The following SGSM1 variants were observed in gnomAD, a reference collection of about 807,000 sequenced individuals.
SGSM1 encodes the protein small G protein signaling modulator 1, also known as RUN and TBC1 domain containing 2.
SGSM1 carries 73 observed loss-of-function variants against 133.8 expected under a neutral mutation model. That is an observed-to-expected ratio of 0.55 (90% CI 0.45 to 0.66). The LOEUF is 0.66. SGSM1 is among the 30% of genes least tolerant of loss of function. SGSM1 has a pLI of 0.00. For synonymous variants in SGSM1, 563 were observed against 573.0 expected (o/e 0.98, Z 0.25); for missense variants, 1,213 against 1,448.1 (o/e 0.84, Z 2.64).
At chr22:24,878,739 T>G (rs907311281) in intron 13 of SGSM1, among the ~76,000 whole-genome samples, 5 of 152,206 alleles carry the variant, frequency 3.3e-5, no homozygotes, top group African/African-American at 1.2e-4. Context: ...GGAGAAGCTT[T>G]GAGGCATCAC....
intron 5 of SGSM1, among the ~76,000 whole-genome samples, chr22:24,853,333 G>A (rs1215575818): frequency 1.3e-5 from 2 of 152,192 alleles, no homozygotes. Flanking sequence ...CCCTCTGTGG[G>A]CCTGAGATCC....
In SGSM1 at chr22:24,921,342, C is replaced by T. The variant is rs549083894; in HGVS notation, c.3193+1349C>T. Among the ~76,000 whole-genome samples the T allele has an allele frequency of 3.0e-4, 45 of 152,250 alleles. 2 individuals are homozygous for T. Among genetic ancestry groups the T allele is most frequent in the African/African-American group, 1.1e-3 (44 of 41,550 alleles). On this transcript the variant is annotated intron_variant, in intron 24 of 24. Transcript: ENST00000400358. ...CTAGAACTCCTGACCTCAGGCGATC[C>T]GTCTGCCTTGGCCTCCCAAAGTGCT... is the stretch of plus-strand genomic sequence containing the variant.
chr22:24,924,231 G>A lies in SGSM1; in HGVS notation c.3239G>A (p.Arg1080Gln), dbSNP rs1934113278. 1.6e-5 allele frequency: 26 copies of A among 1,613,958 alleles called. 1 individual carries two copies. The highest frequency in any genetic ancestry group is 3.3e-5 in the South Asian group (3 of 91,076). Residue 1080 changes from arginine to glutamine, a missense_variant, in exon 25 of 25, where the codon CGG (arginine) becomes CAG (glutamine). Arg to Gln is a conservative substitution (Grantham distance 43). Coordinates refer to ENST00000400358, the MANE Select transcript of SGSM1 (RefSeq NM_001098497.3). ...ACCAAGCAAGTCCTGAAGCTGGCGC[G>A]GGACCTCGTGTACAAGGTGCAGACT... is the stretch of plus-strand genomic sequence containing the variant. Reference protein sequence around the residue: ...HNTKQVLKLARDLVYKVQTLI... With the variant: ...HNTKQVLKLAQDLVYKVQTLI...
intron 2 of SGSM1, among the ~76,000 whole-genome samples, chr22:24,826,944 A>G (rs144550091): frequency 6.6e-6 from 1 of 152,096 alleles, no homozygotes; most frequent in South Asian, 2.1e-4. Flanking sequence ...CACCCAGCAA[A>G]TGGCAGAGCT....
At chr22:24,863,465 C>T (rs1490025972) in intron 9 of SGSM1, among the ~76,000 whole-genome samples, 3 of 152,002 alleles carry the variant, frequency 2.0e-5, no homozygotes, top group Non-Finnish European at 2.9e-5. Flanking sequence ...CCATCGTAGG[C>T]GCTTTGATAC....
chr22:24,891,543 G>A (rs186367002), intron 16 of SGSM1, among the ~76,000 whole-genome samples: 1 of 152,300 alleles, frequency 6.6e-6, no homozygotes, highest in Admixed American at 6.5e-5. Flanking sequence ...GTTCATCTCA[G>A]TACTAGTGTG....
At position 24,868,715 on chromosome 22, in the gene SGSM1, T is replaced by G; in HGVS notation, c.1159-8T>G. The G allele has an allele frequency of 6.2e-7, 1 of 1,613,736 alleles. No individual in the cohort carries two copies. The highest frequency in any genetic ancestry group is 8.5e-7 in the Non-Finnish European group (1 of 1,179,694). ...CCAAGGACCTTGTTTTGGGACATGT[T>G]TTTGCAGGGCAAAGTGTTTCCTAAA... is the stretch of plus-strand genomic sequence containing the variant. On this transcript the variant is annotated splice_region_variant and splice_polypyrimidine_tract_variant and intron_variant, in intron 11 of 24. Transcript: ENST00000400358.
intron 8 of SGSM1, among the ~76,000 whole-genome samples, chr22:24,857,950 G>C (rs1469316202): frequency 6.6e-6 from 1 of 152,130 alleles, no homozygotes; most frequent in Non-Finnish European, 1.5e-5. Flanking sequence ...TTTCTTGCAA[G>C]AATGTCCACT....
chr22:24,864,432 C>T (rs1431278515), intron 9 of SGSM1, among the ~76,000 whole-genome samples: 2 of 152,218 alleles, frequency 1.3e-5, no homozygotes, highest in East Asian at 3.9e-4. Flanking sequence ...AGATGCCCAT[C>T]AACTGAAGAA....
intron 2 of SGSM1, among the ~76,000 whole-genome samples, chr22:24,833,624 C>T (rs192537122): frequency 6.6e-6 from 1 of 151,138 alleles, no homozygotes; most frequent in African/African-American, 2.4e-5. Context: ...TGCCACTGCA[C>T]TCCAGCCTGG....
intron 14 of SGSM1, 123 bp downstream of exon 14, chr22:24,879,649 T>C (rs1569160267): frequency 6.4e-6 from 6 of 933,726 alleles, no homozygotes; most frequent in African/African-American, 3.3e-5. Context: ...ATTCCCTAGA[T>C]GTCTGGTTTC....
intron 19 of SGSM1, among the ~76,000 whole-genome samples, chr22:24,900,377 T>TTCTTTCTTTCTTTCTTTCTTTC: frequency 2.9e-5 from 2 of 68,308 alleles, no homozygotes; most frequent in African/African-American, 1.2e-4. Flanking sequence ...CTTTCTTTCT[T>TTCTTTCTTTCTTTCTTTCTTTC]TCTTTCTTTC....
At position 24,877,516 on chromosome 22, in the gene SGSM1, G is replaced by C. The variant is rs1932081813; in HGVS notation, c.1430+801G>C. ...TTTTCCCCTGGTCCAACCTGGCCTG[G>C]CCTGAGAAAATAGAACCCTTTTGTC... On this transcript the variant is annotated intron_variant, in intron 13 of 24. Coordinates refer to ENST00000400358, the MANE Select transcript of SGSM1 (RefSeq NM_001098497.3). Among the ~76,000 whole-genome samples, 6 of 152,040 alleles carry C rather than the reference G, an allele frequency of 3.9e-5. No homozygotes were observed. In the South Asian group the frequency reaches 1.2e-3, roughly 32 times the overall value.
chr22:24,807,467 AGT>A (rs1267019135), intron 2 of SGSM1, among the ~76,000 whole-genome samples: 3 of 151,558 alleles, frequency 2.0e-5, no homozygotes, highest in South Asian at 2.1e-4. Context: ...TGATGCTGTG[AGT>A]GTGTGTGTGT....
intron 8 of SGSM1, among the ~76,000 whole-genome samples, chr22:24,857,416 A>AG (rs1930867221): frequency 6.6e-6 from 1 of 151,552 alleles, no homozygotes; most frequent in African/African-American, 2.4e-5. Context: ...TCAAAAAAAA[A>AG]AAAAAAAAGC....
In SGSM1 at chr22:24,847,673, G is replaced by A. The variant is rs752638490; in HGVS notation, c.179G>A (p.Arg60Gln). The change falls in exon 4 of 25, where the codon CGG (arginine) becomes CAG (glutamine). Residue 60 changes from arginine (R) to glutamine (Q), a missense_variant. Coordinates refer to ENST00000400358, the MANE Select transcript of SGSM1 (RefSeq NM_001098497.3). ...EACVLHGLRR[R>Q]AAGFLRSNKI... ...TGCGTTCTGCACGGGCTTCGGCGGC[G>A]GGCGGCTGGCTTCCTACGCAGCAAT... 91 of 1,613,602 alleles carry A rather than the reference G, an allele frequency of 5.6e-5. No homozygotes were observed. The highest frequency in any genetic ancestry group is 6.6e-5 in the Non-Finnish European group (78 of 1,179,856).
At chr22:24,888,443 C>T (rs1932732537) in intron 16 of SGSM1, among the ~76,000 whole-genome samples, 2 of 151,978 alleles carry the variant, frequency 1.3e-5, no homozygotes, top group Non-Finnish European at 2.9e-5. Flanking sequence ...AAAAGATGTC[C>T]TTCCTCCATT....
In SGSM1 at chr22:24,924,392, T is replaced by A; in HGVS notation, c.*118T>A. On this transcript the variant is annotated 3_prime_UTR_variant, in exon 25 of 25. Transcript: ENST00000400358. ...GGGTCCTGGTGTCTGTTCACAAGCG[T>A]GGAGTTCAGTGCGCAAAGAAACTAC... 1 of 804,700 alleles carries A rather than the reference T, an allele frequency of 1.2e-6. No homozygotes were observed. The highest frequency in any genetic ancestry group is 2.1e-6 in the Non-Finnish European group (1 of 480,442). The allele number at this position is 804,700 out of a possible 1,614,324, so 49.8% of individuals were successfully genotyped here.
chr22:24,859,481 G>T (rs185443489), intron 8 of SGSM1: 300 of 578,570 alleles, frequency 5.2e-4, no homozygotes, highest in Middle Eastern at 1.3e-3. Flanking sequence ...TGATGGGGGT[G>T]GGAGGCTTTC....
Sources: gnomAD v4.1 joint callset for allele counts (sites outside exome capture counted in the v4.1 genomes callset) on GRCh38, gnomAD v4.1.1 for gene constraint, MANE v1.5 for transcripts, NCBI Gene and HGNC (gene_info 2026-07-23, HGNC 2026-07-21) for gene names.